The following SDK2 variants were observed in gnomAD, a reference collection of about 807,000 sequenced individuals.
SDK2 encodes the protein protein sidekick-2.
Under a neutral mutation model 253.9 loss-of-function variants are expected in SDK2, and 105 were observed. The observed-to-expected ratio is 0.41, with a 90% CI of 0.35 to 0.49. The LOEUF is 0.49. SDK2 is among the 20% of genes least tolerant of loss of function. SDK2 has a pLI of 0.06. For missense variants in SDK2, 2,608 were observed against 3,003.0 expected, an observed-to-expected ratio of 0.87 and a Z score of 3.07; for synonymous variants, 1,249 against 1,234.9, an observed-to-expected ratio of 1.01 and a Z score of -0.24.
In SDK2 at chr17:73,337,055, G is replaced by GTA; in HGVS notation, c.*1531_*1532insTA. ...CTTGGAGCAGATTGTGTATGTGTATGTGTGTGTGTGTGTGTGTGTGTGTGT... is the reference window on the plus strand; with the variant it reads ...CTTGGAGCAGATTGTGTATGTGTATGTATGTGTGTGTGTGTGTGTGTGTGTGT... On this transcript the variant is annotated 3_prime_UTR_variant, in exon 45 of 45. Coordinates refer to ENST00000392650, the MANE Select transcript of SDK2 (RefSeq NM_001144952.2). 7.0e-6 allele frequency: 1 copy of GTA among 143,646 alleles called. No individual in the cohort carries two copies. The highest frequency in any genetic ancestry group is 1.5e-5 in the Non-Finnish European group (1 of 65,516). 8.9% of individuals were successfully genotyped at this position (143,646 alleles called of 1,614,324 possible). A position where few individuals can be genotyped will look rare whatever the true frequency, so the allele number is the denominator to read the frequency against.
intron 18 of SDK2, among the ~76,000 whole-genome samples, chr17:73,413,332 A>G (rs778543863): frequency 2.0e-5 from 3 of 151,816 alleles, no homozygotes; most frequent in Non-Finnish European, 4.4e-5. Flanking sequence ...GCAGGAAAAC[A>G]AGCTCAGGGC....
intron 1 of SDK2, among the ~76,000 whole-genome samples, chr17:73,527,913 G>T (rs1182965295): frequency 1.3e-5 from 2 of 152,216 alleles, no homozygotes; most frequent in Non-Finnish European, 2.9e-5. Context: ...GACGATGGGG[G>T]TGGTGAGAAG....
chr17:73,458,223 C>T (rs563004857), intron 3 of SDK2, among the ~76,000 whole-genome samples: 19 of 152,146 alleles, frequency 1.2e-4, no homozygotes, highest in Non-Finnish European at 2.4e-4. Flanking sequence ...GGATTATAGG[C>T]GTGAGCCACT....
intron 1 of SDK2, among the ~76,000 whole-genome samples, chr17:73,565,499 A>G (rs1448429778): frequency 3.3e-5 from 5 of 152,258 alleles, no homozygotes; most frequent in African/African-American, 1.2e-4. Flanking sequence ...AAAGGCAATC[A>G]ATACAGATTG....
chr17:73,499,342 C>A (rs1163016013), intron 2 of SDK2, among the ~76,000 whole-genome samples: 3 of 152,258 alleles, frequency 2.0e-5, no homozygotes, highest in Non-Finnish European at 4.4e-5. Flanking sequence ...AGCTGCCAAG[C>A]CCATGCAGTT....
chr17:73,471,335 C>T (rs2063649244), intron 3 of SDK2, among the ~76,000 whole-genome samples: 1 of 152,178 alleles, frequency 6.6e-6, no homozygotes, highest in African/African-American at 2.4e-5. Context: ...CGGTGGCTCA[C>T]ACCTGTAAAC....
At chr17:73,428,380 G>T (rs920097539) in intron 12 of SDK2, among the ~76,000 whole-genome samples, 3 of 152,064 alleles carry the variant, frequency 2.0e-5, no homozygotes, top group Admixed American at 2.0e-4. Context: ...TTTTTTTCTA[G>T]AACTATTTTG....
rs1275455937 is a variant in SDK2, at chr17:73,402,756, A to C, written c.2485-615T>G. ...AGTGCTGGGATTATAGGTGTAAGCC[A>C]CTATGCTCGGCCCAGCCCTGTATTT... On this transcript the variant is annotated intron_variant, in intron 18 of 44. Transcript: ENST00000392650. Among the ~76,000 whole-genome samples the C allele has an allele frequency of 2.6e-5, 4 of 151,880 alleles. No individual in the cohort carries two copies. The East Asian group carries it at 7.8e-4, about 30-fold the overall frequency.
At chr17:73,366,120 C>T (rs2062682908) in intron 37 of SDK2, among the ~76,000 whole-genome samples, 1 of 152,192 alleles carries the variant, frequency 6.6e-6, no homozygotes, top group South Asian at 2.1e-4. Flanking sequence ...TGCCTCCCCA[C>T]CACGCTGGAG....
In SDK2 at chr17:73,431,161, C is replaced by T. The variant is rs115298444; in HGVS notation, c.1480+341G>A. On this transcript the variant is annotated intron_variant, in intron 11 of 44. Transcript: ENST00000392650. The surrounding 1 kb of genome is among the most constrained non-coding windows in gnomAD (Gnocchi z 5.6). ...CTAGTTGAGTCGTTGTGACAGAGAC[C>T]GTCTGGCCCACACAGCTTAAAATAT... 2.7e-3 allele frequency among the ~76,000 whole-genome samples: 405 copies of T among 152,308 alleles called. 1 individual carries two copies. The highest frequency in any genetic ancestry group is 9.4e-3 in the African/African-American group (392 of 41,550).
At chr17:73,569,716 G>A (rs1735799638) in intron 1 of SDK2, among the ~76,000 whole-genome samples, 1 of 151,746 alleles carries the variant, frequency 6.6e-6, no homozygotes, top group African/African-American at 2.4e-5. Context: ...TGTACACTAT[G>A]CTGCACTCTG....
chr17:73,365,776 C>T (rs978418665), intron 37 of SDK2, among the ~76,000 whole-genome samples: 2 of 152,070 alleles, frequency 1.3e-5, no homozygotes, highest in African/African-American at 2.4e-5. Flanking sequence ...TTTTGGCTTT[C>T]GTGGAGAAGG....
intron 2 of SDK2, among the ~76,000 whole-genome samples, chr17:73,488,101 T>C (rs577316254): frequency 1.3e-5 from 2 of 151,504 alleles, no homozygotes; most frequent in Admixed American, 6.6e-5. Flanking sequence ...CTGCAAGCTC[T>C]GCCTCCTGGG....
intron 1 of SDK2, among the ~76,000 whole-genome samples, chr17:73,513,946 A>G (rs2064001666): frequency 6.6e-6 from 1 of 152,188 alleles, no homozygotes; most frequent in Non-Finnish European, 1.5e-5. Flanking sequence ...TGAAAAATGG[A>G]TCCCAGTGAC....
rs2062565693 is a variant in SDK2, at chr17:73,354,182, C to T, written c.5594-1545G>A. On this transcript the variant is annotated intron_variant, in intron 40 of 44. Transcript: ENST00000392650. The stretch of plus-strand genomic sequence containing the variant: ...TCAGCCTCTCAAAGTGCTGGGATTA[C>T]AGGTGTGAGCCACCGCGCTCAGCCA... Among the ~76,000 whole-genome samples, 3 of 152,198 alleles carry T rather than the reference C, an allele frequency of 2.0e-5. No individual in the cohort carries two copies. The South Asian group carries it at 6.2e-4, about 32-fold the overall frequency.
intron 3 of SDK2, among the ~76,000 whole-genome samples, chr17:73,459,392 C>A (rs2063549371): frequency 6.6e-6 from 1 of 152,198 alleles, no homozygotes; most frequent in East Asian, 1.9e-4. Flanking sequence ...CCTAGACAAC[C>A]TTTCTTGCCT....
intron 2 of SDK2, among the ~76,000 whole-genome samples, chr17:73,505,121 T>C (rs1466538751): frequency 2.0e-5 from 3 of 152,322 alleles, no homozygotes; most frequent in Admixed American, 1.3e-4. Flanking sequence ...ATTCTCCCGA[T>C]TGCTTTGTTT....
intron 1 of SDK2, among the ~76,000 whole-genome samples, chr17:73,562,224 C>T (rs527931319): frequency 3.9e-5 from 6 of 152,332 alleles, no homozygotes; most frequent in Non-Finnish European, 7.4e-5. Flanking sequence ...CAAAAAGACA[C>T]GCTCCAACGG....
At chr17:73,556,014 A>G (rs2045138387) in intron 1 of SDK2, among the ~76,000 whole-genome samples, 1 of 152,102 alleles carries the variant, frequency 6.6e-6, no homozygotes, top group African/African-American at 2.4e-5. Flanking sequence ...GTTTCCAGGG[A>G]AAGGCAGGGG....
Sources: allele counts gnomAD v4.1 joint callset (sites outside exome capture counted in the v4.1 genomes callset), GRCh38; gene constraint gnomAD v4.1.1; non-coding constraint Gnocchi (gnomAD v3.1); transcripts MANE v1.5; gene names NCBI Gene and HGNC (gene_info 2026-07-23, HGNC 2026-07-21).